The following DPY19L1 variants were observed in gnomAD, a reference collection of about 807,000 sequenced individuals.
DPY19L1 encodes the protein protein C-mannosyl-transferase DPY19L1.
Under a neutral mutation model 96.9 loss-of-function variants are expected in DPY19L1, and 35 were observed. That is an observed-to-expected ratio of 0.36 (90% CI 0.28 to 0.48). The LOEUF is 0.48. Ranked by LOEUF, DPY19L1 falls within the 20% of genes least tolerant of loss-of-function variation. The pLI is 0.99. For missense variants in DPY19L1, 521 were observed against 777.9 expected (o/e 0.67, Z 3.93); for synonymous variants, 205 against 252.6 (o/e 0.81, Z 1.79).
intron 1 of DPY19L1, among the ~76,000 whole-genome samples, chr7:35,022,103 A>G (rs1419785527): frequency 1.3e-5 from 2 of 152,134 alleles, no homozygotes; most frequent in Non-Finnish European, 2.9e-5. Context: ...CAAAAAAATA[A>G]TATTTTAAAT....
At chr7:34,944,294 C>T (rs1455011427) in intron 16 of DPY19L1, among the ~76,000 whole-genome samples, 10 of 135,132 alleles carry the variant, frequency 7.4e-5, no homozygotes, top group African/African-American at 2.8e-4. Context: ...ACCCGGGAGG[C>T]GGAGGTTGCA....
chr7:35,008,187 G>A (rs1785610809), intron 6 of DPY19L1, among the ~76,000 whole-genome samples: 1 of 152,098 alleles, frequency 6.6e-6, no homozygotes, highest in Non-Finnish European at 1.5e-5. Flanking sequence ...TCCTGCCTCT[G>A]AAGTTCTAAG....
intron 3 of DPY19L1, among the ~76,000 whole-genome samples, chr7:35,016,595 T>C (rs1274411074): frequency 6.6e-6 from 1 of 152,192 alleles, no homozygotes; most frequent in Non-Finnish European, 1.5e-5. Flanking sequence ...ATAACTAACC[T>C]AGGCTGATGG....
intron 1 of DPY19L1, among the ~76,000 whole-genome samples, chr7:35,023,113 C>G (rs1196696865): frequency 1.3e-5 from 2 of 152,126 alleles, no homozygotes; most frequent in African/African-American, 2.4e-5. Context: ...GAGAGCAGGG[C>G]AGGTGGAAAG....
At chr7:35,020,981 T>G (rs1785982172) in intron 1 of DPY19L1, among the ~76,000 whole-genome samples, 1 of 152,230 alleles carries the variant, frequency 6.6e-6, no homozygotes, top group South Asian at 2.1e-4. Flanking sequence ...AGTGCTGGGA[T>G]TACAGGCATG....
At chr7:35,034,543 C>T (rs1463647993) in intron 1 of DPY19L1, among the ~76,000 whole-genome samples, 1 of 152,090 alleles carries the variant, frequency 6.6e-6, no homozygotes, top group African/African-American at 2.4e-5. Context: ...CAAATAATGC[C>T]CCACAATAAG....
intron 1 of DPY19L1, among the ~76,000 whole-genome samples, chr7:35,019,567 AGAAG>A (rs1480463930): frequency 2.0e-5 from 3 of 152,032 alleles, no homozygotes; most frequent in Non-Finnish European, 4.4e-5. Flanking sequence ...GAAGAGGAGG[AGAAG>A]GAAGAGGAAA....
intron 6 of DPY19L1, among the ~76,000 whole-genome samples, chr7:34,994,862 G>A (rs1373559158): frequency 6.6e-6 from 1 of 151,562 alleles, no homozygotes; most frequent in Admixed American, 6.6e-5. Flanking sequence ...TGCCTAAGAA[G>A]TCGCATACCC....
rs971747966 is a variant in DPY19L1, at chr7:34,930,153, G to A, written c.*1420C>T. Reference sequence around the variant, plus strand: ...GGACAATCCACAATGAGGTTAATCTGCCTGTGGTTAAGAAAGAGAAGCTGT... The same window carrying A: ...GGACAATCCACAATGAGGTTAATCTACCTGTGGTTAAGAAAGAGAAGCTGT... On this transcript the variant is annotated 3_prime_UTR_variant, in exon 22 of 22. Transcript: ENST00000638088. 4 of 152,236 alleles carry A rather than the reference G, an allele frequency of 2.6e-5. No homozygotes were observed. The highest frequency in any genetic ancestry group is 4.4e-5 in the Non-Finnish European group (3 of 68,044). 9.4% of individuals were successfully genotyped at this position (152,236 alleles called of 1,614,324 possible).
chr7:34,965,687 T>G (rs1156410214), intron 10 of DPY19L1, among the ~76,000 whole-genome samples: 6 of 151,896 alleles, frequency 4.0e-5, no homozygotes, highest in Admixed American at 3.9e-4. Flanking sequence ...ATTAAGAAAA[T>G]GAAAATAATG....
intron 8 of DPY19L1, among the ~76,000 whole-genome samples, chr7:34,970,414 T>C (rs1409297422): frequency 6.6e-6 from 1 of 152,216 alleles, no homozygotes; most frequent in African/African-American, 2.4e-5. Flanking sequence ...AATCAACTTA[T>C]GGAATAAAAT....
chr7:34,939,747 C>G (rs1217865874), intron 19 of DPY19L1, among the ~76,000 whole-genome samples: 1 of 152,162 alleles, frequency 6.6e-6, no homozygotes, highest in Non-Finnish European at 1.5e-5. Flanking sequence ...ATTTGATACT[C>G]AGATGACAAC....
intron 1 of DPY19L1, among the ~76,000 whole-genome samples, chr7:35,020,670 T>C (rs1188239923): frequency 1.3e-5 from 2 of 152,238 alleles, no homozygotes; most frequent in Non-Finnish European, 2.9e-5. Flanking sequence ...AACTGTTAAT[T>C]CATATAGTTT....
chr7:34,930,893 CAA>C lies in DPY19L1; in HGVS notation c.*678_*679del, dbSNP rs937992628. The C allele has an allele frequency of 9.9e-5, 15 of 150,852 alleles. No homozygotes were observed. The highest frequency in any genetic ancestry group is 3.4e-4 in the African/African-American group (14 of 40,994). The allele number at this position is 150,852 out of a possible 1,614,324, so 9.3% of individuals were successfully genotyped here. On this transcript the variant is annotated 3_prime_UTR_variant, in exon 22 of 22. Transcript: ENST00000638088. Reference sequence around the variant, plus strand: ...ATGGGGAAGAGGAGAAGAGAGAGAGCAAGAGAGAGAGAGAAAGAGACACGATA... The same window carrying C: ...ATGGGGAAGAGGAGAAGAGAGAGAGCGAGAGAGAGAGAAAGAGACACGATA...
intron 6 of DPY19L1, among the ~76,000 whole-genome samples, chr7:34,991,618 T>C (rs1785169935): frequency 6.6e-6 from 1 of 152,204 alleles, no homozygotes; most frequent in Non-Finnish European, 1.5e-5. Flanking sequence ...AAATACATTT[T>C]AGTGTTTTGA....
rs1228489966 is a variant in DPY19L1 at position 34,944,379 on chromosome 7, A to G, written c.1544+1288T>C. ...AGGCTCTGTCTCAAAAAAAAAAAAA[A>G]AAAAAGAAAAATTAAAAAAAAGAAA... is the stretch of plus-strand genomic sequence containing the variant. On this transcript the variant is annotated intron_variant, in intron 16 of 21. Transcript: ENST00000638088. Among the ~76,000 whole-genome samples the G allele has an allele frequency of 2.0e-5, 3 of 150,794 alleles. No individual in the cohort carries two copies. In the East Asian group the frequency reaches 5.9e-4, roughly 29 times the overall value.
rs181857207 is a variant in DPY19L1 at position 34,977,140 on chromosome 7, C to T, written c.823-3535G>A. Among the ~76,000 whole-genome samples, 691 of 152,196 alleles carry T rather than the reference C, an allele frequency of 4.5e-3. 9 individuals are homozygous for T. The highest frequency in any genetic ancestry group is 0.015 in the African/African-American group (635 of 41,512). ...ATTTCACACTTAATAGACTATAGTA[C>T]AGTGTAAACATAACTTTTATATGCA... On this transcript the variant is annotated intron_variant, in intron 7 of 21. Transcript: ENST00000638088.
rs1292867555 is a variant in DPY19L1, at chr7:34,958,101, A to G, written c.1093-31T>C. On this transcript the variant is annotated intron_variant, in intron 10 of 21. Coordinates refer to ENST00000638088, the MANE Select transcript of DPY19L1 (RefSeq NM_001366673.1). ...AAAATCCAAGAAAAAAATATAAGTA[A>G]TGCACATAAAACAAAAAACCTTTGT... 6 of 1,471,668 alleles carry G rather than the reference A, an allele frequency of 4.1e-6. No homozygotes were observed. In the African/African-American group the frequency reaches 8.6e-5, roughly 21 times the overall value. 91.2% of individuals were successfully genotyped at this position (1,471,668 alleles called of 1,614,324 possible). A position where few individuals can be genotyped will look rare whatever the true frequency, so the allele number is the denominator to read the frequency against.
At chr7:34,972,437 A>G (rs1339429899) in intron 8 of DPY19L1, among the ~76,000 whole-genome samples, 1 of 152,176 alleles carries the variant, frequency 6.6e-6, no homozygotes, top group East Asian at 1.9e-4. Context: ...AAGAAGAATC[A>G]AAGGTTTGCC....
Sources: allele counts gnomAD v4.1 joint callset (sites outside exome capture counted in the v4.1 genomes callset), GRCh38; gene constraint gnomAD v4.1.1; transcripts MANE v1.5; gene names NCBI Gene and HGNC (gene_info 2026-07-23, HGNC 2026-07-21).